DCC: variants seen among roughly 807,000 people sequenced by gnomAD.
DCC encodes the protein DCC netrin 1 receptor, also known as netrin receptor DCC.
A neutral mutation model predicts 172.5 loss-of-function variants in DCC; 58 were observed. The observed-to-expected ratio is 0.34, with a 90% CI of 0.27 to 0.42. The LOEUF (loss-of-function observed/expected upper bound fraction) is 0.42, where lower values mean the gene tolerates loss of function less well. Ranked by LOEUF, DCC falls within the 10% of genes least tolerant of loss-of-function variation. The probability of loss-of-function intolerance (pLI) is 1.00; values close to 1 mark genes in which losing one functional copy is unlikely to be tolerated. For missense variants in DCC, 1,740 were observed against 1,791.0 expected (o/e 0.97, Z 0.51); for synonymous variants, 709 against 644.5 (o/e 1.10, Z -1.52).
chr18:53,459,182 G>A, intron 23 of DCC, 50 bp from the exon 24 acceptor site: 1 of 1,358,110 alleles, frequency 7.4e-7, no homozygotes, highest in Non-Finnish European at 1.1e-6. Context: ...AAGAAAGGAA[G>A]TGCCATTGAA....
chr18:53,072,152 G>A (rs145893364), intron 7 of DCC, among the ~76,000 whole-genome samples: 13 of 152,130 alleles, frequency 8.5e-5, no homozygotes, highest in East Asian at 7.7e-4. Flanking sequence ...AAGAGTCAAT[G>A]TGTTCTGTGT....
chr18:52,945,742 T>C (rs1455174929), intron 5 of DCC, among the ~76,000 whole-genome samples: 1 of 148,516 alleles, frequency 6.7e-6, no homozygotes, highest in Non-Finnish European at 1.5e-5. Flanking sequence ...TGACACAGCC[T>C]CCCCCAAGCT....
intron 12 of DCC, among the ~76,000 whole-genome samples, chr18:53,294,919 T>C (rs1217790362): frequency 2.0e-5 from 3 of 152,208 alleles, no homozygotes; most frequent in Non-Finnish European, 4.4e-5. Flanking sequence ...TACAACTATA[T>C]AAATGTATTG....
chr18:53,187,242 C>T (rs990013483), intron 9 of DCC, among the ~76,000 whole-genome samples: 12 of 151,790 alleles, frequency 7.9e-5, no homozygotes, highest in South Asian at 2.1e-4. Context: ...CCTGCCTCAA[C>T]GTCCCAAGTG....
At chr18:53,179,266 A>G in intron 9 of DCC, 150 bp downstream of exon 9, 1 of 797,792 alleles carries the variant, frequency 1.3e-6, no homozygotes, top group Non-Finnish European at 2.1e-6. Flanking sequence ...GAGGACTTTT[A>G]AAAGATAACT....
chr18:52,986,761 G>GTA (rs1048854215), intron 5 of DCC, among the ~76,000 whole-genome samples: 4 of 148,502 alleles, frequency 2.7e-5, no homozygotes, highest in African/African-American at 1.0e-4. Flanking sequence ...CACACGTGTA[G>GTA]TATATATATA....
intron 1 of DCC, among the ~76,000 whole-genome samples, chr18:52,507,710 A>G (rs1030305888): frequency 1.3e-5 from 2 of 152,188 alleles, no homozygotes; most frequent in Non-Finnish European, 2.9e-5. Flanking sequence ...ATAGATCAAA[A>G]TCTACCATTT....
chr18:52,693,513 C>T (rs915061418), intron 1 of DCC, among the ~76,000 whole-genome samples: 1 of 149,774 alleles, frequency 6.7e-6, no homozygotes, highest in Non-Finnish European at 1.5e-5. Flanking sequence ...TACAATATAA[C>T]ATATATCCCA....
chr18:52,587,238 T>C (rs1307130707), intron 1 of DCC, among the ~76,000 whole-genome samples: 1 of 152,196 alleles, frequency 6.6e-6, no homozygotes, highest in African/African-American at 2.4e-5. Flanking sequence ...GCAGTGGCCA[T>C]AGCCAGGTCA....
intron 13 of DCC, among the ~76,000 whole-genome samples, chr18:53,320,350 G>A (rs2057396914): frequency 6.6e-6 from 1 of 152,140 alleles, no homozygotes; most frequent in Non-Finnish European, 1.5e-5. Context: ...GGGATTACAG[G>A]CATGAGCCAC....
intron 2 of DCC, among the ~76,000 whole-genome samples, chr18:52,883,907 T>C (rs1249501410): frequency 3.3e-5 from 5 of 151,640 alleles, no homozygotes; most frequent in African/African-American, 1.2e-4. Flanking sequence ...TGAAATCCCC[T>C]AAGTTTTGTG....
chr18:53,366,468 A>T (rs2058006055), intron 15 of DCC, among the ~76,000 whole-genome samples: 1 of 152,210 alleles, frequency 6.6e-6, no homozygotes, highest in Non-Finnish European at 1.5e-5. Context: ...GTAGGCACTA[A>T]GAATATTATA....
At chr18:53,085,343 G>A (rs527692489) in intron 7 of DCC, among the ~76,000 whole-genome samples, 1 of 152,116 alleles carries the variant, frequency 6.6e-6, no homozygotes, top group East Asian at 1.9e-4. Flanking sequence ...CCTAGTCAGG[G>A]ATTTTTTTTT....
At chr18:53,341,394 G>A (rs2057657818) in intron 15 of DCC, among the ~76,000 whole-genome samples, 1 of 152,138 alleles carries the variant, frequency 6.6e-6, no homozygotes, top group African/African-American at 2.4e-5. Flanking sequence ...TGACGCATTT[G>A]GGAGATTAAC....
intron 1 of DCC, among the ~76,000 whole-genome samples, chr18:52,549,969 G>C (rs970818175): frequency 6.6e-6 from 1 of 151,830 alleles, no homozygotes; most frequent in East Asian, 1.9e-4. Context: ...TAATTCCAAA[G>C]AGTAACCTAT....
chr18:53,463,810 T>G (rs1401072975), intron 24 of DCC, among the ~76,000 whole-genome samples: 1 of 152,248 alleles, frequency 6.6e-6, no homozygotes, highest in Non-Finnish European at 1.5e-5. Flanking sequence ...TTTCTTGTTT[T>G]GCGCCCATGA....
Position 53,194,016 on chromosome 18 carries a change from G to A in DCC, c.1574-11200G>A, listed in dbSNP as rs146018867. On this transcript the variant is annotated intron_variant, in intron 9 of 28. Transcript: ENST00000442544. ...AAACTACAAACATCAGATATTGATTGTTCCCATATTGACCATAATACAAGC... is the reference window on the plus strand; with the variant it reads ...AAACTACAAACATCAGATATTGATTATTCCCATATTGACCATAATACAAGC... 5.9e-5 allele frequency among the ~76,000 whole-genome samples: 9 copies of A among 152,228 alleles called. No individual in the cohort carries two copies. In the East Asian group the frequency reaches 1.2e-3, roughly 20 times the overall value.
intron 2 of DCC, chr18:52,816,577 A>G (rs560319786): frequency 1.6e-4 from 25 of 152,320 alleles, no homozygotes; most frequent in African/African-American, 5.8e-4. Flanking sequence ...AGAATCTGGC[A>G]TTTACAGCAC....
intron 13 of DCC, among the ~76,000 whole-genome samples, chr18:53,317,712 G>A (rs989765242): frequency 1.3e-5 from 2 of 152,026 alleles, no homozygotes; most frequent in African/African-American, 4.8e-5. Flanking sequence ...GCAGCGGGCA[G>A]GGGGCATATG....
Sources: allele counts gnomAD v4.1 joint callset (sites outside exome capture counted in the v4.1 genomes callset), GRCh38; gene constraint gnomAD v4.1.1; transcripts MANE v1.5; gene names NCBI Gene and HGNC (gene_info 2026-07-23, HGNC 2026-07-21).